Variants in GJC1 observed in about 807,000 individuals in gnomAD.
GJC1 encodes the protein gap junction protein gamma 1.
GJC1 carries 5 observed loss-of-function variants against 29.3 expected under a neutral mutation model. The ratio of observed to expected loss-of-function variants is 0.17; its 90% confidence interval spans 0.09 to 0.36. The LOEUF is 0.36. Ranked by LOEUF, GJC1 falls within the 10% of genes least tolerant of loss-of-function variation. GJC1 has a pLI of 1.00. For missense variants in GJC1, 310 were observed against 496.2 expected (o/e 0.62, Z 3.56); for synonymous variants, 177 against 183.3 (o/e 0.97, Z 0.28).
intron 1 of GJC1, among the ~76,000 whole-genome samples, chr17:44,818,778 G>C (rs1164792621): frequency 6.6e-6 from 1 of 151,856 alleles, no homozygotes; most frequent in African/African-American, 2.4e-5. Flanking sequence ...CTGGGCAAGA[G>C]AGCAAAAGAG....
At chr17:44,827,234 CG>C (rs2050185734) in intron 1 of GJC1, among the ~76,000 whole-genome samples, 1 of 151,880 alleles carries the variant, frequency 6.6e-6, no homozygotes, top group Admixed American at 6.6e-5. Flanking sequence ...CACTTGAACT[CG>C]GGAGGCGGAG....
chr17:44,807,962 T>C (rs752701583), intron 1 of GJC1: 11 of 152,124 alleles, frequency 7.2e-5, no homozygotes, highest in East Asian at 1.9e-4. Context: ...CCCGTCTCCA[T>C]GGGAGGTGAT....
At chr17:44,796,524 T>C (rs2049784130), downstream of GJC1, among the ~76,000 whole-genome samples, 1 of 152,096 alleles carries the variant, frequency 6.6e-6, no homozygotes. Context: ...ACAGAGGAGG[T>C]AATTCAAAAC....
intron 1 of GJC1, among the ~76,000 whole-genome samples, chr17:44,817,507 T>A (rs1023881540): frequency 6.6e-6 from 1 of 151,390 alleles, no homozygotes; most frequent in Non-Finnish European, 1.5e-5. Flanking sequence ...AGTCAGGAGT[T>A]CGAGACCAGC....
Position 44,805,777 on chromosome 17 carries a change from T to C in GJC1, c.41A>G (p.His14Arg). 1.2e-6 allele frequency: 2 copies of C among 1,613,846 alleles called. No homozygotes were observed. The highest frequency in any genetic ancestry group is 4.5e-5 in the East Asian group (2 of 44,880). Residue 14 changes from histidine (H) to arginine (R), a missense_variant, in exon 3 of 3, where the codon CAC becomes CGC. His to Arg is a conservative substitution (Grantham distance 29). Around this residue, in one of 4 missense-constraint regions of GJC1, gnomAD observed 37 missense variants for 104.2 expected, o/e 0.35. Transcript: ENST00000592524. This position sits in a 1 kb window ranked among gnomAD's most constrained non-coding sequence, Gnocchi z 5.1. ...CTTCCCCACAAATGTGGAATGGTTG[T>C]GAATCTCCTCTAGCAGGCGAGTCAG... The part of the protein sequence containing the change: ...SFLTRLLEEI[H>R]NHSTFVGKIW...
chr17:44,828,989 C>A (rs2050202678), intron 1 of GJC1, among the ~76,000 whole-genome samples: 1 of 151,440 alleles, frequency 6.6e-6, no homozygotes, highest in African/African-American at 2.4e-5. Context: ...AGCGCTTTCA[C>A]ATATATTCAC....
At chr17:44,795,834 A>G (rs1423569629), downstream of GJC1, among the ~76,000 whole-genome samples, 1 of 152,260 alleles carries the variant, frequency 6.6e-6, no homozygotes, top group Non-Finnish European at 1.5e-5. Flanking sequence ...TTGCAAGGAC[A>G]GAGGGCTTTC....
intron 1 of GJC1, among the ~76,000 whole-genome samples, chr17:44,809,773 T>C (rs1555557767): frequency 6.6e-6 from 1 of 152,082 alleles, no homozygotes; most frequent in Non-Finnish European, 1.5e-5. Flanking sequence ...TTTCTCCATG[T>C]TGAGGCTGGT....
intron 1 of GJC1, among the ~76,000 whole-genome samples, chr17:44,827,113 C>T (rs1284058534): frequency 6.6e-6 from 1 of 152,016 alleles, no homozygotes; most frequent in Non-Finnish European, 1.5e-5. Flanking sequence ...AGTTGGAGAC[C>T]AGCCTGACCA....
At position 44,798,841 on chromosome 17, in the gene GJC1, G is replaced by T. The variant is rs1401381197; in HGVS notation, c.*5786C>A. On this transcript the variant is annotated 3_prime_UTR_variant, in exon 3 of 3. Coordinates refer to ENST00000592524, the MANE Select transcript of GJC1 (RefSeq NM_005497.4). ...TTTAAATCTTGGAAGCATATAGCCTGGTTCAACAAGCCAACTCTGAAATGC... is the reference window on the plus strand; with the variant it reads ...TTTAAATCTTGGAAGCATATAGCCTTGTTCAACAAGCCAACTCTGAAATGC... 6.6e-6 allele frequency: 1 copy of T among 152,146 alleles called. No homozygotes were observed. The allele number at this position is 152,146 out of a possible 1,614,324, so 9.4% of individuals were successfully genotyped here.
chr17:44,801,607 CT>C lies in GJC1; in HGVS notation c.*3019del, dbSNP rs577866530. Reference sequence around the variant, plus strand: ...ATCAACAGGCTCACTTTCTTTTTTTCTTTTTTTTTTTTTGAGACAAGAGTTT... The same window carrying C: ...ATCAACAGGCTCACTTTCTTTTTTTCTTTTTTTTTTTTGAGACAAGAGTTT... On this transcript the variant is annotated 3_prime_UTR_variant, in exon 3 of 3. Transcript: ENST00000592524. 2.6e-3 allele frequency: 376 copies of C among 143,358 alleles called. No homozygotes were observed. Among genetic ancestry groups the C allele is most frequent in the Middle Eastern group, 3.6e-3 (1 of 276 alleles). The allele number at this position is 143,358 out of a possible 1,614,324, so 8.9% of individuals were successfully genotyped here. A position where few individuals can be genotyped will look rare whatever the true frequency, so the allele number is the denominator to read the frequency against.
At chr17:44,823,246 CTGTT>C (rs1165772873) in intron 1 of GJC1, among the ~76,000 whole-genome samples, 1 of 123,822 alleles carries the variant, frequency 8.1e-6, no homozygotes, top group Non-Finnish European at 1.7e-5. Flanking sequence ...CATTTCTTTC[CTGTT>C]TTTTTTTTTT....
At chr17:44,827,634 T>C (rs2050190431) in intron 1 of GJC1, among the ~76,000 whole-genome samples, 1 of 151,488 alleles carries the variant, frequency 6.6e-6, no homozygotes, top group African/African-American at 2.4e-5. Context: ...AGCAATGTCT[T>C]TGAAAAAAAA....
At chr17:44,813,361 T>A (rs2050005646) in intron 1 of GJC1, 1 of 151,950 alleles carries the variant, frequency 6.6e-6, no homozygotes, top group Non-Finnish European at 1.5e-5. Context: ...CCAGCTGCAA[T>A]CTTCTTTCTA....
At position 44,802,635 on chromosome 17, in the gene GJC1, G is replaced by A. The variant is rs1051613099; in HGVS notation, c.*1992C>T. 6.6e-5 allele frequency: 10 copies of A among 151,842 alleles called. No homozygotes were observed. The highest frequency in any genetic ancestry group is 2.4e-4 in the African/African-American group (10 of 41,272). 9.4% of individuals were successfully genotyped at this position (151,842 alleles called of 1,614,324 possible). A position where few individuals can be genotyped will look rare whatever the true frequency, so the allele number is the denominator to read the frequency against. On this transcript the variant is annotated 3_prime_UTR_variant, in exon 3 of 3. Transcript: ENST00000592524. ...TTAGAGTTCCTGAGGTGCTTCTCTA[G>A]GCTAAAATTTAAAGATTTTTTTTTA...
At chr17:44,797,442 TTATAA>T (rs1338679109), downstream of GJC1, 1 of 152,162 alleles carries the variant, frequency 6.6e-6, no homozygotes, top group Non-Finnish European at 1.5e-5. Flanking sequence ...TGAAAAAGTA[TTATAA>T]TAGACAGATG....
chr17:44,795,347 C>A (rs1005933356), downstream of GJC1, among the ~76,000 whole-genome samples: 1 of 148,632 alleles, frequency 6.7e-6, no homozygotes, highest in Admixed American at 6.6e-5. Context: ...AATTCTCTTG[C>A]CTCAGCCTCC....
chr17:44,822,382 C>T (rs866438719), intron 1 of GJC1, among the ~76,000 whole-genome samples: 5 of 151,682 alleles, frequency 3.3e-5, no homozygotes, highest in Middle Eastern at 3.4e-3. Context: ...TGGCTCATGC[C>T]TATAATCCCA....
intron 1 of GJC1, among the ~76,000 whole-genome samples, chr17:44,811,995 T>TAAAA (rs111996895): frequency 1.6e-5 from 2 of 126,510 alleles, no homozygotes; most frequent in Non-Finnish European, 3.3e-5. Flanking sequence ...AACAAAACTC[T>TAAAA]AAAAAAAAAA....
Sources: gnomAD v4.1 joint callset for allele counts (sites outside exome capture counted in the v4.1 genomes callset) on GRCh38, gnomAD v4.1.1 for gene constraint, gnomAD v4.1.1 regional missense constraint, Gnocchi (gnomAD v3.1) non-coding constraint, MANE v1.5 for transcripts, NCBI Gene and HGNC (gene_info 2026-07-23, HGNC 2026-07-21) for gene names.